The following GSR variants were observed in gnomAD, a reference collection of about 807,000 sequenced individuals.
GSR encodes the protein glutathione reductase, mitochondrial.
A neutral mutation model predicts 56.5 loss-of-function variants in GSR; 48 were observed. The ratio of observed to expected loss-of-function variants is 0.85; its 90% confidence interval spans 0.67 to 1.08. The LOEUF is 1.08. Among genes scored for constraint, GSR ranks in the 50% least tolerant of loss-of-function variants. The probability of loss-of-function intolerance (pLI) is 0.00; values close to 1 mark genes in which losing one functional copy is unlikely to be tolerated. For synonymous variants in GSR, 264 were observed against 270.8 expected, an observed-to-expected ratio of 0.97 and a Z score of 0.25; for missense variants, 694 against 703.3, an observed-to-expected ratio of 0.99 and a Z score of 0.15.
At chr8:30,727,386 G>A (rs1804767999) in intron 1 of GSR, 144 bp downstream of exon 1, 7 of 807,674 alleles carry the variant, frequency 8.7e-6, no homozygotes, top group South Asian at 5.1e-5. Context: ...TGGGTTCCTG[G>A]CTTCGGAATG....
intron 6 of GSR, among the ~76,000 whole-genome samples, chr8:30,699,177 G>C (rs8190979): frequency 6.6e-6 from 1 of 152,038 alleles, no homozygotes; most frequent in Non-Finnish European, 1.5e-5. Flanking sequence ...TGTAGTCCCA[G>C]CTACTCGGGA....
intron 1 of GSR, among the ~76,000 whole-genome samples, chr8:30,719,629 G>A (rs1804461585): frequency 6.6e-6 from 1 of 152,018 alleles, no homozygotes; most frequent in Admixed American, 6.6e-5. Flanking sequence ...TTTCCAAACC[G>A]ATGATCCATT....
intron 6 of GSR, among the ~76,000 whole-genome samples, chr8:30,698,840 C>A (rs1478041646): frequency 6.8e-6 from 1 of 146,456 alleles, no homozygotes; most frequent in East Asian, 2.1e-4. Context: ...GAAGGCCAGT[C>A]CCTGCGCCAA....
intron 2 of GSR, among the ~76,000 whole-genome samples, chr8:30,711,358 G>C (rs1804136166): frequency 6.6e-6 from 1 of 152,078 alleles, no homozygotes; most frequent in Non-Finnish European, 1.5e-5. Context: ...TTTCCTCTTT[G>C]TCAAGGGTAA....
chr8:30,690,819 C>T (rs1048854474), intron 8 of GSR, among the ~76,000 whole-genome samples: 1 of 152,294 alleles, frequency 6.6e-6, no homozygotes, highest in African/African-American at 2.4e-5. Context: ...AATCTCAACA[C>T]TTTGGGAGGC....
At chr8:30,707,922 A>C in intron 4 of GSR, 150 bp downstream of exon 4, 1 of 503,160 alleles carries the variant, frequency 2.0e-6, no homozygotes, top group Non-Finnish European at 3.5e-6. Context: ...GCGCCCCTGC[A>C]CTCCAGCCTG....
chr8:30,708,881 C>T (rs1804010999), intron 3 of GSR, among the ~76,000 whole-genome samples: 1 of 151,202 alleles, frequency 6.6e-6, no homozygotes, highest in South Asian at 2.1e-4. Flanking sequence ...ATGGCGTGAA[C>T]CCGGTAGGCG....
chr8:30,725,673 G>C (rs1804699800), intron 1 of GSR, among the ~76,000 whole-genome samples: 1 of 152,032 alleles, frequency 6.6e-6, no homozygotes, highest in Non-Finnish European at 1.5e-5. Context: ...CCAGAGGTCA[G>C]GAGTTTGAGA....
chr8:30,700,651 G>A (rs1181909701), intron 5 of GSR, among the ~76,000 whole-genome samples: 1 of 145,888 alleles, frequency 6.9e-6, no homozygotes, highest in Admixed American at 7.1e-5. Flanking sequence ...TTGAACCTGG[G>A]AGGTGGAGGT....
chr8:30,702,319 C>CTAAATAAA (rs531638931), intron 5 of GSR, among the ~76,000 whole-genome samples: 17 of 150,880 alleles, frequency 1.1e-4, no homozygotes, highest in Non-Finnish European at 1.8e-4. Flanking sequence ...GACTCTGTCT[C>CTAAATAAA]TAAATAAATA....
intron 10 of GSR, among the ~76,000 whole-genome samples, chr8:30,683,435 C>T (rs560763239): frequency 1.3e-5 from 2 of 152,124 alleles, no homozygotes; most frequent in South Asian, 2.1e-4. Context: ...GCTTAGGAAG[C>T]GGGCTGAGGT....
At chr8:30,685,095 G>A (rs989522928) in intron 9 of GSR, among the ~76,000 whole-genome samples, 4 of 151,878 alleles carry the variant, frequency 2.6e-5, no homozygotes, top group Non-Finnish European at 4.4e-5. Context: ...GAGTAGCTGG[G>A]ACTACAGGTG....
intron 5 of GSR, among the ~76,000 whole-genome samples, 194 bp downstream of exon 5, chr8:30,702,899 C>T (rs1298519675): frequency 6.6e-6 from 1 of 152,234 alleles, no homozygotes; most frequent in Non-Finnish European, 1.5e-5. Context: ...GATCGTGCCA[C>T]TGCACTCCAG....
chr8:30,680,545 C>A (rs1462552887), intron 12 of GSR, among the ~76,000 whole-genome samples: 4 of 151,944 alleles, frequency 2.6e-5, no homozygotes, highest in Non-Finnish European at 5.9e-5. Flanking sequence ...CAAGCACGCA[C>A]CATCATGCCT....
At chr8:30,717,395 C>T (rs1250912571) in intron 1 of GSR, among the ~76,000 whole-genome samples, 1 of 152,166 alleles carries the variant, frequency 6.6e-6, no homozygotes, top group East Asian at 1.9e-4. Flanking sequence ...CCTTCTTTCC[C>T]CTTTCTCTAG....
intron 4 of GSR, among the ~76,000 whole-genome samples, chr8:30,707,858 G>A (rs1803967265): frequency 6.6e-6 from 1 of 152,086 alleles, no homozygotes; most frequent in Admixed American, 6.6e-5. Context: ...TCAGGAGGCT[G>A]AGGCAGGAGA....
At chr8:30,723,068 G>C (rs951326240) in intron 1 of GSR, among the ~76,000 whole-genome samples, 1 of 152,158 alleles carries the variant, frequency 6.6e-6, no homozygotes, top group African/African-American at 2.4e-5. Context: ...CAGGAACCTG[G>C]TTATTCTTAT....
rs1303357896 is a variant in GSR at position 30,717,451 on chromosome 8, A to G, written c.307-5363T>C. Among the ~76,000 whole-genome samples the G allele has an allele frequency of 3.3e-5, 5 of 151,986 alleles. No individual in the cohort carries two copies. In the East Asian group the frequency reaches 5.8e-4, roughly 18 times the overall value. ...AGGTGCCTATTAGGAACCAGGCTGCAGCAGGAGGTGAGTGGCGGGCAAGTG... is the reference window on the plus strand; with the variant it reads ...AGGTGCCTATTAGGAACCAGGCTGCGGCAGGAGGTGAGTGGCGGGCAAGTG... On this transcript the variant is annotated intron_variant, in intron 1 of 12. Coordinates refer to ENST00000221130, the MANE Select transcript of GSR (RefSeq NM_000637.5).
At position 30,689,209 on chromosome 8, in the gene GSR, C is replaced by T. The variant is rs1345036090; in HGVS notation, c.993G>A (p.Trp331Ter). ...TMIPDVDCLL[W>*]AIGRVPNTKD... ...TGGTATTCGGGACCCGCCCAATGGC[C>T]CAGAGCAGGCAGTCAACATCTGGAA... Residue 331 changes from tryptophan (W) to a stop codon, truncating the protein, a stop_gained, in exon 9 of 13, where the codon TGG (tryptophan) becomes TGA (stop). Coordinates refer to ENST00000221130, the MANE Select transcript of GSR (RefSeq NM_000637.5). LOFTEE classifies it high-confidence loss of function. 3 of 1,613,860 alleles carry T rather than the reference C, an allele frequency of 1.9e-6. No individual in the cohort carries two copies. The highest frequency in any genetic ancestry group is 2.5e-6 in the Non-Finnish European group (3 of 1,179,960).
Sources: allele counts gnomAD v4.1 joint callset (sites outside exome capture counted in the v4.1 genomes callset), GRCh38; gene constraint gnomAD v4.1.1; transcripts MANE v1.5; gene names NCBI Gene and HGNC (gene_info 2026-07-23, HGNC 2026-07-21).